GLMN: variants seen among roughly 807,000 people sequenced by gnomAD.
GLMN encodes glomulin, FKBP associated protein.
GLMN carries 75 observed loss-of-function variants against 87.8 expected under a neutral mutation model. The observed-to-expected ratio is 0.85, with a 90% confidence interval of 0.71 to 1.04. GLMN has a LOEUF of 1.04. GLMN is among the 50% of genes least tolerant of loss of function. The pLI is 0.00. For missense variants in GLMN, 588 were observed against 658.8 expected (o/e 0.89, Z 1.18); for synonymous variants, 206 against 221.6 (o/e 0.93, Z 0.63).
At chr1:92,304,361 G>C in the GLMN span, 1 of 1,451,838 alleles carries the variant, frequency 6.9e-7, no homozygotes, top group Non-Finnish European at 9.4e-7. Flanking sequence ...TGAGTTTAAA[G>C]GCTTTCATTG....
chr1:92,320,815 A>T, the GLMN span, among the ~76,000 whole-genome samples: 1 of 152,184 alleles, frequency 6.6e-6, no homozygotes, highest in African/African-American at 2.4e-5. Context: ...TGGTAAGATG[A>T]TGTGTTTGAT....
the GLMN span, chr1:92,324,153 CAT>C: frequency 6.2e-7 from 1 of 1,614,102 alleles, no homozygotes; most frequent in Non-Finnish European, 8.5e-7. Flanking sequence ...ATGAAGATGA[CAT>C]AATCTCAGAT....
chr1:92,366,014 T>C, the GLMN span, among the ~76,000 whole-genome samples: 1 of 152,220 alleles, frequency 6.6e-6, no homozygotes, highest in Non-Finnish European at 1.5e-5. Context: ...GAAATCACGA[T>C]AGCTTCTTAG....
the GLMN span, among the ~76,000 whole-genome samples, chr1:92,315,181 T>G: frequency 6.6e-6 from 1 of 152,218 alleles, no homozygotes; most frequent in Non-Finnish European, 1.5e-5. Context: ...AAGTTACTAA[T>G]TGGCCTAATT....
At chr1:92,295,023 C>T (rs553949726) in intron 3 of GLMN, among the ~76,000 whole-genome samples, 1 of 152,226 alleles carries the variant, frequency 6.6e-6, no homozygotes, top group African/African-American at 2.4e-5. Flanking sequence ...TAAACCTTTG[C>T]ATTTAGCTGA....
chr1:92,343,741 A>T, the GLMN span, among the ~76,000 whole-genome samples: 1 of 84,588 alleles, frequency 1.2e-5, no homozygotes, highest in African/African-American at 3.0e-5. Flanking sequence ...AACAACAATT[A>T]TATATTAGAA....
chr1:92,259,981 C>G (rs1283137783), intron 16 of GLMN, among the ~76,000 whole-genome samples: 1 of 151,990 alleles, frequency 6.6e-6, no homozygotes, highest in Non-Finnish European at 1.5e-5. Context: ...ATGAACCGCC[C>G]GCCTTGGCCT....
At chr1:92,258,535 A>C (rs919241811) in intron 16 of GLMN, among the ~76,000 whole-genome samples, 12 of 152,260 alleles carry the variant, frequency 7.9e-5, no homozygotes, top group Admixed American at 7.8e-4. Context: ...TGGATTAAGA[A>C]AATGTGGCAC....
Position 92,289,074 on chromosome 1 carries a change from G to C in GLMN, c.472C>G (p.Pro158Ala). Residue 158 changes from proline (P) to alanine (A), a missense_variant, in exon 6 of 19, where the codon CCT becomes GCT. By Grantham distance (27) the Pro-to-Ala change is conservative. Transcript: ENST00000370360. ...STLWNQLSLL[P>A]VPYSKEQIQM... ...ATTTGTTCTTTTGAGTATGGAACAG[G>C]AAGAAGAGATAGCTGATTCCAAAGG... is the stretch of plus-strand genomic sequence containing the variant. 1 of 1,611,962 alleles carries C rather than the reference G, an allele frequency of 6.2e-7. No homozygotes were observed. The highest frequency in any genetic ancestry group is 8.5e-7 in the Non-Finnish European group (1 of 1,178,078).
chr1:92,347,768 A>C, the GLMN span, among the ~76,000 whole-genome samples: 1 of 152,138 alleles, frequency 6.6e-6, no homozygotes, highest in Non-Finnish European at 1.5e-5. Context: ...GCACTGTTTG[A>C]CTTCTTTAAC....
chr1:92,252,380 T>G (rs1371642273), intron 16 of GLMN, among the ~76,000 whole-genome samples: 1 of 151,966 alleles, frequency 6.6e-6, no homozygotes, highest in Non-Finnish European at 1.5e-5. Flanking sequence ...GGCTATAGAG[T>G]GAGACCCCAA....
chr1:92,287,236 A>G (rs1648872124), intron 6 of GLMN, among the ~76,000 whole-genome samples: 1 of 152,196 alleles, frequency 6.6e-6, no homozygotes, highest in Non-Finnish European at 1.5e-5. Context: ...TTTTTCACAC[A>G]GCTCTATTTG....
chr1:92,297,546 A>C lies in GLMN; in HGVS notation c.40-17T>G, dbSNP rs201892390. The C allele has an allele frequency of 5.4e-4, 860 of 1,590,830 alleles. 2 individuals are homozygous for C. The African/African-American group carries it at 0.01, about 19-fold the overall frequency. ...TAGGATTTGCTGGCAAAAAAAAAAA[A>C]AACCCAAAAAACAAACAAAAAAAAG... is the stretch of plus-strand genomic sequence containing the variant. On this transcript the variant is annotated splice_polypyrimidine_tract_variant and intron_variant, in intron 2 of 18. Transcript: ENST00000370360.
the GLMN span, chr1:92,304,195 G>A: frequency 9.0e-7 from 1 of 1,112,986 alleles, no homozygotes; most frequent in East Asian, 2.4e-5. Context: ...ATTGGCCAAT[G>A]ATATGATATG....
the GLMN span, among the ~76,000 whole-genome samples, chr1:92,348,136 G>A: frequency 5.3e-5 from 8 of 152,186 alleles, no homozygotes; most frequent in South Asian, 2.1e-4. Flanking sequence ...TGATCCACCC[G>A]CCTCGGCCTC....
At chr1:92,248,080 T>C in intron 16 of GLMN, 91 bp from the exon 17 acceptor site, 1 of 723,008 alleles carries the variant, frequency 1.4e-6, no homozygotes, top group Non-Finnish European at 2.5e-6. Context: ...CAAAAATAAA[T>C]GAAACATGGC....
intron 5 of GLMN, among the ~76,000 whole-genome samples, chr1:92,289,498 T>C (rs1456749718): frequency 6.6e-6 from 1 of 152,176 alleles, no homozygotes; most frequent in Non-Finnish European, 1.5e-5. Context: ...GAGGTGGTAT[T>C]ATTAGATTTT....
At chr1:92,290,487 GT>G (rs1252472805) in intron 4 of GLMN, among the ~76,000 whole-genome samples, 181 bp from the exon 5 acceptor site, 1 of 152,148 alleles carries the variant, frequency 6.6e-6, no homozygotes, top group East Asian at 1.9e-4. Context: ...ATCTGTGATG[GT>G]CAAGTAACTA....
chr1:92,269,821 G>T, intron 8 of GLMN, 45 bp from the exon 9 acceptor site: 1 of 1,197,574 alleles, frequency 8.4e-7, no homozygotes, highest in South Asian at 1.2e-5. Context: ...CACACACACA[G>T]AGATATGTAC....
Sources: allele counts gnomAD v4.1 joint callset (sites outside exome capture counted in the v4.1 genomes callset), GRCh38; gene constraint gnomAD v4.1.1; transcripts MANE v1.5; gene names NCBI Gene and HGNC (gene_info 2026-07-23, HGNC 2026-07-21).